Variants in TRPC5 observed in about 807,000 individuals in gnomAD.
TRPC5 encodes transient receptor potential cation channel subfamily C member 5.
A neutral mutation model predicts 56.5 loss-of-function variants in TRPC5; 9 were observed. The ratio of observed to expected loss-of-function variants is 0.16; its 90% CI spans 0.10 to 0.28. The LOEUF (loss-of-function observed/expected upper bound fraction) is 0.28, where lower values mean the gene tolerates loss of function less well. Ranked by LOEUF, TRPC5 falls within the 10% of genes least tolerant of loss-of-function variation. The pLI is 1.00. For missense variants in TRPC5, 469 were observed against 748.9 expected (o/e 0.63, Z 4.36); for synonymous variants, 282 against 278.5 (o/e 1.01, Z -0.13).
rs369946250 is a variant in TRPC5 at position 112,046,195 on chromosome X, C to CTT, written c.-22+35682_-22+35683dup. Among the ~76,000 whole-genome samples, 521 of 88,626 alleles carry CTT rather than the reference C, an allele frequency of 5.9e-3. 5 individuals are homozygous for CTT. The highest frequency in any genetic ancestry group is 0.02 in the African/African-American group (472 of 23,982). 77.0% of individuals were successfully genotyped at this position (88,626 alleles called of 115,157 possible). A position where few individuals can be genotyped will look rare whatever the true frequency, so the allele number is the denominator to read the frequency against. ...TAGCCCCGTCTACCGCCACCCCCAC[C>CTT]TTTTTTTTTTTTTTTTTTGCTTTAT... On this transcript the variant is annotated intron_variant, in intron 1 of 10. Transcript: ENST00000262839.
rs991823106 is a variant in TRPC5 at position 112,081,959 on chromosome X, C to G, written c.-102G>C. On this transcript the variant is annotated 5_prime_UTR_variant, in exon 1 of 11. Coordinates refer to ENST00000262839, the MANE Select transcript of TRPC5 (RefSeq NM_012471.3). ...CAGGATGCGTGGTGCGGCGCCTTGCCGGACTCCTCTTTTGCGGCGCGAAAC... is the reference window on the plus strand; with the variant it reads ...CAGGATGCGTGGTGCGGCGCCTTGCGGGACTCCTCTTTTGCGGCGCGAAAC... 1 of 111,549 alleles carries G rather than the reference C, an allele frequency of 9.0e-6. No individual in the cohort carries two copies. Among genetic ancestry groups the G allele is most frequent in the Non-Finnish European group, 1.9e-5 (1 of 53,134 alleles). The allele number at this position is 111,549 out of a possible 1,213,427, so 9.2% of individuals were successfully genotyped here. A position where few individuals can be genotyped will look rare whatever the true frequency, so the allele number is the denominator to read the frequency against.
At chrX:111,779,222 T>A in intron 9 of TRPC5, 148 bp from the exon 10 acceptor site, 1 of 381,712 alleles carries the variant, frequency 2.6e-6, no homozygotes, top group Non-Finnish European at 4.4e-6. Flanking sequence ...AAAAATGAGT[T>A]AAGTCCATTG....
At chrX:111,812,811 G>A (rs1484494412) in intron 7 of TRPC5, among the ~76,000 whole-genome samples, 1 of 112,169 alleles carries the variant, frequency 8.9e-6, no homozygotes, top group Non-Finnish European at 1.9e-5. Flanking sequence ...GATGCTAGGT[G>A]GTGGGATTAT....
intron 2 of TRPC5, among the ~76,000 whole-genome samples, chrX:111,941,567 G>A (rs1926779544): frequency 8.9e-6 from 1 of 112,113 alleles, no homozygotes; most frequent in African/African-American, 3.3e-5. Context: ...CTTCTCCACT[G>A]TGCAGGGTCG....
intron 1 of TRPC5, among the ~76,000 whole-genome samples, chrX:111,962,125 T>A (rs973152492): frequency 9.0e-6 from 1 of 111,458 alleles, no homozygotes; most frequent in African/African-American, 3.3e-5. Flanking sequence ...AAAAAATATC[T>A]ATCAGGTAGG....
intron 6 of TRPC5, among the ~76,000 whole-genome samples, chrX:111,843,915 T>C (rs1922838529): frequency 9.7e-6 from 1 of 102,984 alleles, no homozygotes; most frequent in Non-Finnish European, 2.0e-5. Context: ...TGTGTGTGTG[T>C]GTGTATGTGA....
At chrX:111,848,566 T>C (rs1922995490) in intron 5 of TRPC5, among the ~76,000 whole-genome samples, 1 of 112,405 alleles carries the variant, frequency 8.9e-6, no homozygotes, top group South Asian at 3.7e-4. Flanking sequence ...CAGGACTAAA[T>C]GTAAACAACT....
intron 1 of TRPC5, among the ~76,000 whole-genome samples, chrX:112,017,136 C>T (rs1466888064): frequency 9.0e-6 from 1 of 111,533 alleles, no homozygotes. Context: ...GCCTCAGCCT[C>T]CCGAGTAGCT....
Position 111,929,596 on chromosome X carries a change from C to T in TRPC5, c.379-16784G>A, listed in dbSNP as rs147148133. ...ATTCCTGCCTGTGGAATTATAACTCCACTGTGGTTTTTATATTTACTGGGG... is the reference window on the plus strand; with the variant it reads ...ATTCCTGCCTGTGGAATTATAACTCTACTGTGGTTTTTATATTTACTGGGG... On this transcript the variant is annotated intron_variant, in intron 2 of 10. Transcript: ENST00000262839. Among the ~76,000 whole-genome samples, 455 of 112,262 alleles carry T rather than the reference C, an allele frequency of 4.1e-3. 2 individuals carry two copies. Among genetic ancestry groups the T allele is most frequent in the African/African-American group, 0.014 (433 of 30,940 alleles).
chrX:111,819,152 G>A (rs1921956098), intron 7 of TRPC5, among the ~76,000 whole-genome samples: 1 of 111,772 alleles, frequency 8.9e-6, no homozygotes, highest in Non-Finnish European at 1.9e-5. Flanking sequence ...TGCAAAATGT[G>A]TGGAAACAGA....
chrX:111,852,523 A>T (rs1923114997), intron 4 of TRPC5, 86 bp from the exon 5 acceptor site: 3 of 1,012,891 alleles, frequency 3.0e-6, no homozygotes, highest in Non-Finnish European at 3.9e-6. Context: ...GTGAATAAGG[A>T]TGAAATTAAG....
rs752659314 is a variant in TRPC5, at chrX:111,785,963, A to C, written c.1897-3825T>G. ...ATTGGTGTACCTGAAAGTGATGGGGAGAATGGAACCAAGTTGGAAAACACT... is the reference window on the plus strand; with the variant it reads ...ATTGGTGTACCTGAAAGTGATGGGGCGAATGGAACCAAGTTGGAAAACACT... On this transcript the variant is annotated intron_variant, in intron 7 of 10. Transcript: ENST00000262839. 3.6e-5 allele frequency among the ~76,000 whole-genome samples: 4 copies of C among 112,134 alleles called. No individual in the cohort carries two copies. In the East Asian group the frequency reaches 1.1e-3, roughly 31 times the overall value.
intron 1 of TRPC5, among the ~76,000 whole-genome samples, chrX:111,991,870 G>A (rs1034323943): frequency 9.0e-6 from 1 of 111,618 alleles, no homozygotes; most frequent in East Asian, 2.8e-4. Context: ...AGATCCCTAG[G>A]GTTTCAGGCT....
chrX:111,836,121 T>C (rs940971182), intron 6 of TRPC5, among the ~76,000 whole-genome samples: 1 of 111,723 alleles, frequency 9.0e-6, no homozygotes, highest in African/African-American at 3.2e-5. Context: ...AAAACCACTA[T>C]ATTGATGGCT....
chrX:112,048,815 T>C (rs1930136525), intron 1 of TRPC5, among the ~76,000 whole-genome samples: 1 of 112,032 alleles, frequency 8.9e-6, no homozygotes, highest in African/African-American at 3.2e-5. Flanking sequence ...GGTTAACTCA[T>C]GAGATTAGAA....
chrX:112,003,133 A>T (rs761242988), intron 1 of TRPC5, among the ~76,000 whole-genome samples: 21 of 111,941 alleles, frequency 1.9e-4, no homozygotes, highest in African/African-American at 6.2e-4. Context: ...TGCGTATATA[A>T]TGGTGAGCAA....
chrX:111,967,107 C>A (rs1198273477), intron 1 of TRPC5, among the ~76,000 whole-genome samples: 9 of 111,639 alleles, frequency 8.1e-5, no homozygotes, highest in Admixed American at 2.9e-4. Flanking sequence ...AATCTCCTTA[C>A]ACTGATAAGC....
chrX:111,898,251 TTA>T (rs58112324), intron 3 of TRPC5, among the ~76,000 whole-genome samples: 11,391 of 92,131 alleles, frequency 0.12, 1,137 homozygotes, highest in African/African-American at 0.32. Context: ...GTAGGGGTTC[TTA>T]TATATATATA....
chrX:111,880,420 A>G (rs1924155390), intron 3 of TRPC5, among the ~76,000 whole-genome samples: 1 of 112,399 alleles, frequency 8.9e-6, no homozygotes, highest in Non-Finnish European at 1.9e-5. Flanking sequence ...ACTGCTATAC[A>G]TAGCTTAATG....
Sources: gnomAD v4.1 joint callset for allele counts (sites outside exome capture counted in the v4.1 genomes callset) on GRCh38, gnomAD v4.1.1 for gene constraint, MANE v1.5 for transcripts, NCBI Gene and HGNC (gene_info 2026-07-23, HGNC 2026-07-21) for gene names.